TRIO: variants seen among roughly 807,000 people sequenced by gnomAD.
The protein encoded by TRIO is triple functional domain protein.
Under a neutral mutation model 351.9 loss-of-function variants are expected in TRIO, and 58 were observed. That is an observed-to-expected ratio of 0.16 (90% CI 0.13 to 0.21). TRIO has a LOEUF of 0.21. TRIO is among the 10% of genes least tolerant of loss of function. The pLI is 1.00. For synonymous variants in TRIO, 1,758 were observed against 1,595.7 expected (o/e 1.10, Z -2.42); for missense variants, 3,201 against 4,027.8 (o/e 0.79, Z 5.56).
At chr5:14,162,100 A>C (rs1788495421) in intron 1 of TRIO, among the ~76,000 whole-genome samples, 1 of 152,202 alleles carries the variant, frequency 6.6e-6, no homozygotes, top group Admixed American at 6.5e-5. Flanking sequence ...GGGTTATGGA[A>C]TCACGGCCAA....
chr5:14,370,977 G>A (rs915970517), intron 18 of TRIO, among the ~76,000 whole-genome samples: 2 of 152,164 alleles, frequency 1.3e-5, no homozygotes, highest in South Asian at 2.1e-4. Context: ...TGTGATTTTT[G>A]GACTTGTTGG....
At chr5:14,430,560 C>G (rs1318367431) in intron 34 of TRIO, among the ~76,000 whole-genome samples, 1 of 152,154 alleles carries the variant, frequency 6.6e-6, no homozygotes, top group African/African-American at 2.4e-5. Flanking sequence ...TATGCAGTTG[C>G]AAGAGATACA....
intron 1 of TRIO, among the ~76,000 whole-genome samples, chr5:14,191,553 AAGTG>A (rs1348726455): frequency 1.3e-5 from 2 of 151,560 alleles, no homozygotes; most frequent in African/African-American, 4.8e-5. Flanking sequence ...AAAAAAAAAA[AAGTG>A]GTAGTAGTAG....
chr5:14,355,358 C>T (rs1743524876), intron 11 of TRIO, among the ~76,000 whole-genome samples: 1 of 152,190 alleles, frequency 6.6e-6, no homozygotes, highest in Non-Finnish European at 1.5e-5. Flanking sequence ...TCCTTATAAC[C>T]AGGGTAATAA....
intron 27 of TRIO, among the ~76,000 whole-genome samples, chr5:14,392,131 T>A (rs925498982): frequency 6.6e-6 from 1 of 151,850 alleles, no homozygotes; most frequent in Non-Finnish European, 1.5e-5. Context: ...AAATAAACTA[T>A]CATCAGAGTG....
chr5:14,268,546 A>G (rs773437208), intron 1 of TRIO, among the ~76,000 whole-genome samples: 7 of 152,154 alleles, frequency 4.6e-5, no homozygotes, highest in Non-Finnish European at 7.4e-5. Flanking sequence ...TGTCCTGGCC[A>G]TGACGTGTGG....
intron 23 of TRIO, among the ~76,000 whole-genome samples, chr5:14,388,357 A>G (rs1285434099): frequency 6.6e-6 from 1 of 152,188 alleles, no homozygotes; most frequent in Non-Finnish European, 1.5e-5. Context: ...CAGCAGAGTT[A>G]CCTGGCCCCA....
intron 34 of TRIO, among the ~76,000 whole-genome samples, chr5:14,453,723 T>C (rs1451797320): frequency 6.6e-6 from 1 of 152,208 alleles, no homozygotes; most frequent in East Asian, 1.9e-4. Context: ...ATCATCCATC[T>C]GGGCCTTGGA....
intron 1 of TRIO, among the ~76,000 whole-genome samples, chr5:14,150,404 C>G (rs1225855950): frequency 6.6e-6 from 1 of 151,990 alleles, no homozygotes; most frequent in Non-Finnish European, 1.5e-5. Flanking sequence ...TTAAAATTCA[C>G]AGACCTTTAC....
intron 34 of TRIO, among the ~76,000 whole-genome samples, chr5:14,443,270 A>C (rs546657170): frequency 6.6e-6 from 1 of 152,206 alleles, no homozygotes; most frequent in Non-Finnish European, 1.5e-5. Flanking sequence ...TTTCCTGAAC[A>C]AAAAATGATC....
intron 9 of TRIO, among the ~76,000 whole-genome samples, chr5:14,326,761 GT>G (rs1378852359): frequency 6.6e-6 from 1 of 152,186 alleles, no homozygotes; most frequent in Non-Finnish European, 1.5e-5. Context: ...ATCTTAGTAT[GT>G]TTTAAATGGG....
rs149738464 is a variant in TRIO at position 14,270,077 on chromosome 5, G to C, written c.158-748G>C. 6.3e-3 allele frequency among the ~76,000 whole-genome samples: 957 copies of C among 152,300 alleles called. 8 individuals are homozygous for C. Among genetic ancestry groups the C allele is most frequent in the African/African-American group, 0.022 (905 of 41,556 alleles). On this transcript the variant is annotated intron_variant, in intron 1 of 56. Coordinates refer to ENST00000344204, the MANE Select transcript of TRIO (RefSeq NM_007118.4). ...GAGCTGGGCTAGATATTTTTGGGCT[G>C]CAAGAATTCCTTTTGCTTAGATGGA...
chr5:14,233,310 G>A (rs1031825698), intron 1 of TRIO, among the ~76,000 whole-genome samples: 2 of 97,026 alleles, frequency 2.1e-5, no homozygotes, highest in Non-Finnish European at 4.0e-5. Context: ...GCGAGACCTC[G>A]TCTCTTAAAA....
intron 18 of TRIO, among the ~76,000 whole-genome samples, chr5:14,371,266 G>A (rs377137493): frequency 2.1e-4 from 32 of 152,316 alleles, no homozygotes; most frequent in Middle Eastern, 3.4e-3. Context: ...ATCAGGATAA[G>A]TCAAGGAGCA....
chr5:14,444,896 C>T (rs538857786), intron 34 of TRIO, among the ~76,000 whole-genome samples: 1 of 152,208 alleles, frequency 6.6e-6, no homozygotes, highest in South Asian at 2.1e-4. Flanking sequence ...CAAAAAGTGC[C>T]CAAGAAACCC....
intron 48 of TRIO, chr5:14,488,978 T>C (rs1300374880): frequency 2.6e-6 from 2 of 764,668 alleles, no homozygotes; most frequent in African/African-American, 1.7e-5. Flanking sequence ...CTGTGGTGGG[T>C]TTTCCCTCTG....
intron 40 of TRIO, 141 bp downstream of exon 40, chr5:14,474,238 T>C (rs1754884954): frequency 2.9e-6 from 2 of 697,020 alleles, no homozygotes; most frequent in Non-Finnish European, 4.8e-6. Context: ...AAAGGAGATA[T>C]TGATGTACCC....
At chr5:14,275,518 A>G (rs921914763) in intron 2 of TRIO, among the ~76,000 whole-genome samples, 1 of 152,080 alleles carries the variant, frequency 6.6e-6, no homozygotes, top group Non-Finnish European at 1.5e-5. Context: ...GGTATGGTTA[A>G]AAAAAATCTA....
chr5:14,279,369 T>C (rs1213394820), intron 2 of TRIO, among the ~76,000 whole-genome samples: 1 of 152,188 alleles, frequency 6.6e-6, no homozygotes, highest in African/African-American at 2.4e-5. Flanking sequence ...TTTTTTTTAT[T>C]TGTTTGCTTT....
Sources: allele counts gnomAD v4.1 joint callset (sites outside exome capture counted in the v4.1 genomes callset), GRCh38; gene constraint gnomAD v4.1.1; transcripts MANE v1.5; gene names NCBI Gene and HGNC (gene_info 2026-07-23, HGNC 2026-07-21).